ARMC2: variants seen among roughly 807,000 people sequenced by gnomAD.
ARMC2 encodes the protein armadillo repeat containing 2, also known as armadillo repeat-containing protein 2.
A neutral mutation model predicts 90.3 loss-of-function variants in ARMC2; 67 were observed. That is an observed-to-expected ratio of 0.74 (90% CI 0.61 to 0.91). The LOEUF (loss-of-function observed/expected upper bound fraction) is 0.91, where lower values mean the gene tolerates loss of function less well. Ranked by LOEUF, ARMC2 falls within the 40% of genes least tolerant of loss-of-function variation. The pLI, the probability that ARMC2 is intolerant of heterozygous loss-of-function variation, is 0.00. For synonymous variants in ARMC2, 393 were observed against 393.0 expected (o/e 1.00, Z 0.00); for missense variants, 920 against 1,030.9 (o/e 0.89, Z 1.47).
chr6:108,891,820 C>T, intron 5 of ARMC2, among the ~76,000 whole-genome samples: 1 of 152,132 alleles, frequency 6.6e-6, no homozygotes, highest in East Asian at 1.9e-4. Flanking sequence ...AAGTCTTTGC[C>T]CATGCCTATG....
chr6:108,981,294 C>A, the ARMC2 span, among the ~76,000 whole-genome samples: 1 of 151,974 alleles, frequency 6.6e-6, no homozygotes, highest in African/African-American at 2.4e-5. Flanking sequence ...ATAAGCTGGA[C>A]CATTTGGAAC....
chr6:108,907,535 C>T (rs1772893531), intron 8 of ARMC2: 6 of 1,133,134 alleles, frequency 5.3e-6, no homozygotes, highest in South Asian at 4.7e-5. Flanking sequence ...AATTCAGCAA[C>T]GATCGAGATT....
chr6:109,031,548 C>G, the ARMC2 span, among the ~76,000 whole-genome samples: 1 of 152,130 alleles, frequency 6.6e-6, no homozygotes, highest in Non-Finnish European at 1.5e-5. Flanking sequence ...TTAGAAGTCA[C>G]TGCGTTGGAG....
At chr6:109,027,564 G>A in the ARMC2 span, among the ~76,000 whole-genome samples, 338 of 151,328 alleles carry the variant, frequency 2.2e-3, 2 homozygotes, top group Middle Eastern at 6.9e-3. Context: ...TCTAATGGGT[G>A]TAGTGCAGTT....
At chr6:108,943,307 G>A (rs1404245081) in intron 12 of ARMC2, among the ~76,000 whole-genome samples, 1 of 152,166 alleles carries the variant, frequency 6.6e-6, no homozygotes, top group African/African-American at 2.4e-5. Flanking sequence ...GACAGGAGGG[G>A]TTGTGGTGTG....
At chr6:108,934,741 A>G (rs148122661) in intron 11 of ARMC2, among the ~76,000 whole-genome samples, 2 of 152,294 alleles carry the variant, frequency 1.3e-5, no homozygotes, top group Non-Finnish European at 2.9e-5. Context: ...ATGTTTTTGT[A>G]GGAATTTGAT....
chr6:108,873,772 C>T (rs995951205), intron 4 of ARMC2, among the ~76,000 whole-genome samples: 5 of 152,098 alleles, frequency 3.3e-5, no homozygotes, highest in African/African-American at 1.2e-4. Context: ...TCTCAGCCCC[C>T]ACCTCCTCTG....
chr6:109,027,534 A>AT, the ARMC2 span, among the ~76,000 whole-genome samples: 2 of 151,134 alleles, frequency 1.3e-5, no homozygotes. Flanking sequence ...AGCATTGTCA[A>AT]TTTAAAACAT....
intron 11 of ARMC2, among the ~76,000 whole-genome samples, chr6:108,929,746 G>T (rs1442386119): frequency 6.6e-6 from 1 of 152,172 alleles, no homozygotes; most frequent in Non-Finnish European, 1.5e-5. Context: ...GCTTCCCAAA[G>T]TGCTGCGATT....
In ARMC2 at chr6:108,904,859, G is replaced by C. The variant is rs549607456; in HGVS notation, c.1023+454G>C. On this transcript the variant is annotated intron_variant, in intron 8 of 17. Coordinates refer to ENST00000392644, the MANE Select transcript of ARMC2 (RefSeq NM_032131.6). ...TTTAGGCCACAGTCATAATAAATCAGGTGCTTTAGGAACCAGTGTGAAACC... is the reference window on the plus strand; with the variant it reads ...TTTAGGCCACAGTCATAATAAATCACGTGCTTTAGGAACCAGTGTGAAACC... Among the ~76,000 whole-genome samples, 15 of 152,228 alleles carry C rather than the reference G, an allele frequency of 9.9e-5. No individual in the cohort carries two copies. The South Asian group carries it at 3.1e-3, about 32-fold the overall frequency.
the ARMC2 span, among the ~76,000 whole-genome samples, chr6:109,009,896 ACAG>A: frequency 6.6e-6 from 1 of 151,886 alleles, no homozygotes; most frequent in Non-Finnish European, 1.5e-5. Context: ...CTAGAACCAA[ACAG>A]CAGCCAACCT....
At chr6:108,950,707 G>A (rs1243106070) in intron 12 of ARMC2, among the ~76,000 whole-genome samples, 1 of 152,152 alleles carries the variant, frequency 6.6e-6, no homozygotes, top group Non-Finnish European at 1.5e-5. Context: ...GAAATAATCT[G>A]CATACCAAAG....
At chr6:108,957,269 C>G (rs1045333501) in intron 13 of ARMC2, among the ~76,000 whole-genome samples, 4 of 152,236 alleles carry the variant, frequency 2.6e-5, no homozygotes, top group African/African-American at 9.6e-5. Context: ...CCCCCTCCAC[C>G]TTCCCCTTAC....
chr6:108,913,273 C>T (rs1415568809), intron 10 of ARMC2, among the ~76,000 whole-genome samples: 2 of 152,120 alleles, frequency 1.3e-5, no homozygotes, highest in Non-Finnish European at 2.9e-5. Context: ...ATGTGTTTGT[C>T]AATTAATGAG....
Position 108,961,673 on chromosome 6 carries a change from A to G in ARMC2, c.2017A>G (p.Lys673Glu). The G allele has an allele frequency of 1.2e-6, 2 of 1,609,458 alleles. No individual in the cohort carries two copies. Among genetic ancestry groups the G allele is most frequent in the African/African-American group, 1.3e-5 (1 of 74,936 alleles). ...YQVKNSIIQD[K>E]KLYIAELLLK... The stretch of plus-strand genomic sequence containing the variant: ...AGTGAAGAATTCCATAATTCAAGAC[A>G]AAAAGCTATATATTGCTGAATGTAA... Residue 673 changes from lysine (K) to glutamate (E), a missense_variant, in exon 14 of 18, where the codon AAA becomes GAA. Transcript: ENST00000392644.
At chr6:108,960,936 T>C (rs1466450242) in intron 13 of ARMC2, among the ~76,000 whole-genome samples, 4 of 152,152 alleles carry the variant, frequency 2.6e-5, no homozygotes, top group Non-Finnish European at 5.9e-5. Context: ...AGGTAGGTCT[T>C]GTGAACCAGA....
rs1274508952 is a variant in ARMC2 at position 108,907,106 on chromosome 6, A to G, written c.1023+2701A>G. Among the ~76,000 whole-genome samples, 3 of 152,256 alleles carry G rather than the reference A, an allele frequency of 2.0e-5. No individual in the cohort carries two copies. In the East Asian group the frequency reaches 5.8e-4, roughly 29 times the overall value. On this transcript the variant is annotated intron_variant, in intron 8 of 17. Coordinates refer to ENST00000392644, the MANE Select transcript of ARMC2 (RefSeq NM_032131.6). ...ACATTATAGCAGGCCTGGAAATTGT[A>G]GTTGTCTTTTTTCTTTTCTTTGTTT...
At chr6:108,936,362 T>C (rs562947967) in intron 11 of ARMC2, among the ~76,000 whole-genome samples, 2 of 152,182 alleles carry the variant, frequency 1.3e-5, no homozygotes, top group Non-Finnish European at 2.9e-5. Context: ...GTTCAAGCAG[T>C]TCTCCTGCCT....
rs554760504 is a variant in ARMC2, at chr6:108,942,293, C to A, written c.1596+5294C>A. Among the ~76,000 whole-genome samples, 9 of 152,238 alleles carry A rather than the reference C, an allele frequency of 5.9e-5. No homozygotes were observed. The East Asian group carries it at 1.7e-3, about 29-fold the overall frequency. ...TTCCTTAAATATGTACTTTCTTCTT[C>A]CTAGTTTGGAGGAAGAAATAATAAG... On this transcript the variant is annotated intron_variant, in intron 12 of 17. Transcript: ENST00000392644.
Sources: allele counts gnomAD v4.1 joint callset (sites outside exome capture counted in the v4.1 genomes callset), GRCh38; gene constraint gnomAD v4.1.1; transcripts MANE v1.5; gene names NCBI Gene and HGNC (gene_info 2026-07-23, HGNC 2026-07-21).